PCDHA2: variants seen among roughly 807,000 people sequenced by gnomAD.
The protein encoded by PCDHA2 is protocadherin alpha 2, also known as protocadherin alpha-2.
Under a neutral mutation model 66.0 loss-of-function variants are expected in PCDHA2, and 58 were observed. That is an observed-to-expected ratio of 0.88 (90% CI 0.71 to 1.09). The LOEUF (loss-of-function observed/expected upper bound fraction) is 1.09. PCDHA2 is among the 50% of genes least tolerant of loss of function. The probability of loss-of-function intolerance (pLI) is 0.00; values close to 1 mark genes in which losing one functional copy is unlikely to be tolerated. For missense variants in PCDHA2, 1,267 were observed against 1,242.3 expected (o/e 1.02, Z -0.30); for synonymous variants, 634 against 554.0 (o/e 1.14, Z -2.03).
At chr5:140,841,138 C>T (rs2150311495) in intron 1 of PCDHA2, 1 of 713,754 alleles carries the variant, frequency 1.4e-6, no homozygotes, top group Non-Finnish European at 2.3e-6. Context: ...TTTGAAGCCA[C>T]ATGATGTCGC....
At chr5:140,899,983 T>C (rs1313036603) in intron 1 of PCDHA2, among the ~76,000 whole-genome samples, 5 of 151,754 alleles carry the variant, frequency 3.3e-5, no homozygotes, top group Non-Finnish European at 7.4e-5. Flanking sequence ...ACTTTTTTGA[T>C]TTTTTTTGTA....
chr5:140,967,665 C>T (rs782126222), intron 1 of PCDHA2: 23 of 1,614,036 alleles, frequency 1.4e-5, no homozygotes, highest in East Asian at 2.2e-5. Context: ...AGCAGCTACA[C>T]GTCGGACCGG....
intron 1 of PCDHA2, chr5:140,884,705 C>G (rs1156324848): frequency 3.4e-6 from 5 of 1,491,236 alleles, no homozygotes; most frequent in African/African-American, 1.4e-5. Flanking sequence ...AACACTTTAG[C>G]CTTCCTTGCA....
At chr5:140,915,479 G>T (rs1170530979) in intron 1 of PCDHA2, among the ~76,000 whole-genome samples, 1 of 151,948 alleles carries the variant, frequency 6.6e-6, no homozygotes, top group African/African-American at 2.4e-5. Flanking sequence ...AAGGAGCTTG[G>T]GCCTCAATCC....
chr5:140,841,085 A>G, intron 1 of PCDHA2: 1 of 553,322 alleles, frequency 1.8e-6, no homozygotes. Context: ...AAGTGCATAG[A>G]AGAACCCAGA....
chr5:140,851,303 G>A (rs2042020475), intron 1 of PCDHA2: 2 of 1,012,372 alleles, frequency 2.0e-6, no homozygotes. Context: ...AAAATATATA[G>A]CAATTGTTAC....
chr5:140,843,744 A>C, intron 1 of PCDHA2: 1 of 1,534,810 alleles, frequency 6.5e-7, no homozygotes, highest in Non-Finnish European at 8.9e-7. Context: ...AGAACTCATA[A>C]ATTCTATTTG....
In PCDHA2 at chr5:140,857,009, G is replaced by T; in HGVS notation, c.2388+59657G>T. 2 of 1,596,020 alleles carry T rather than the reference G, an allele frequency of 1.3e-6. 1 individual carries two copies. The highest frequency in any genetic ancestry group is 1.7e-6 in the Non-Finnish European group (2 of 1,165,702). On this transcript the variant is annotated intron_variant, in intron 1 of 3. Transcript: ENST00000526136. ...TAACACTTATGAAATTCATGTAGAT[G>T]TTACAGATAAGGGAAACCCACCTAT...
intron 1 of PCDHA2, among the ~76,000 whole-genome samples, chr5:140,833,428 T>C (rs1554133831): frequency 1.3e-5 from 2 of 152,196 alleles, no homozygotes; most frequent in African/African-American, 4.8e-5. Context: ...GTGAGATGGC[T>C]GAGCACTGAA....
intron 1 of PCDHA2, chr5:140,803,396 G>A (rs781804776): frequency 6.2e-7 from 1 of 1,614,230 alleles, no homozygotes; most frequent in Non-Finnish European, 8.5e-7. Flanking sequence ...GCGACTGTGG[G>A]CCGGGCAAGC....
At chr5:140,997,118 C>A (rs1319289091) in intron 3 of PCDHA2, among the ~76,000 whole-genome samples, 24 of 152,088 alleles carry the variant, frequency 1.6e-4, no homozygotes, top group Non-Finnish European at 3.1e-4. Context: ...TGCTCTCCCA[C>A]ATACACAATG....
At chr5:140,808,286 A>G in intron 1 of PCDHA2, 1 of 1,614,260 alleles carries the variant, frequency 6.2e-7, no homozygotes, top group Admixed American at 1.7e-5. Context: ...TCCACTGGGT[A>G]CAGTCATCGC....
At chr5:140,980,730 A>G (rs1227353445) in intron 2 of PCDHA2, among the ~76,000 whole-genome samples, 2 of 152,176 alleles carry the variant, frequency 1.3e-5, no homozygotes, top group Non-Finnish European at 2.9e-5. Context: ...CAATTAAGAT[A>G]TTATGAGATT....
intron 3 of PCDHA2, among the ~76,000 whole-genome samples, chr5:141,008,297 A>G (rs2098368469): frequency 6.6e-6 from 1 of 152,178 alleles, no homozygotes; most frequent in South Asian, 2.1e-4. Context: ...GTTGTACCCA[A>G]CCCTAAACTG....
chr5:140,810,807 C>CT (rs1385124401), intron 1 of PCDHA2: 5 of 151,708 alleles, frequency 3.3e-5, no homozygotes, highest in African/African-American at 4.8e-5. Context: ...GTTTTTAATT[C>CT]TTTTTTGTCT....
chr5:140,797,438 A>G (rs1554120439), intron 1 of PCDHA2, 86 bp downstream of exon 1: 3 of 1,385,898 alleles, frequency 2.2e-6, no homozygotes, highest in South Asian at 2.6e-5. Context: ...TTAGATTCAT[A>G]GTTCTTCATT....
rs1234815335 is a variant in PCDHA2, at chr5:140,796,202, T to G, written c.1238T>G (p.Leu413Arg). ...NYYSLVLDSA[L>R]DRESVSAYEL... ...TACTCGTTGGTGCTGGACAGCGCCC[T>G]GGACCGCGAGAGCGTGTCAGCCTAT... Residue 413 changes from leucine to arginine, a missense_variant, in exon 1 of 4, where the codon CTG (leucine) becomes CGG (arginine). Physicochemically the swap from Leu to Arg is moderately radical, Grantham distance 102. Transcript: ENST00000526136. 6.2e-7 allele frequency: 1 copy of G among 1,614,096 alleles called. No homozygotes were observed. Among genetic ancestry groups the G allele is most frequent in the Admixed American group, 1.7e-5 (1 of 60,014 alleles).
chr5:140,900,799 G>T (rs797036955), intron 1 of PCDHA2, among the ~76,000 whole-genome samples: 1 of 152,138 alleles, frequency 6.6e-6, no homozygotes, highest in East Asian at 1.9e-4. Context: ...GTTCTCCATA[G>T]TGCTTGTACT....
At chr5:140,891,040 C>G (rs2062916193) in intron 1 of PCDHA2, among the ~76,000 whole-genome samples, 1 of 144,978 alleles carries the variant, frequency 6.9e-6, no homozygotes, top group Admixed American at 6.6e-5. Context: ...TTAGGTGTGA[C>G]CCCCACAGCA....
Sources: gnomAD v4.1 joint callset for allele counts (sites outside exome capture counted in the v4.1 genomes callset) on GRCh38, gnomAD v4.1.1 for gene constraint, MANE v1.5 for transcripts, NCBI Gene and HGNC (gene_info 2026-07-23, HGNC 2026-07-21) for gene names.